The following EXT1 variants were observed in gnomAD, a reference collection of about 807,000 sequenced individuals.
EXT1 encodes the protein exostosin-1.
EXT1 carries 20 observed loss-of-function variants against 82.5 expected under a neutral mutation model. The ratio of observed to expected loss-of-function variants is 0.24; its 90% CI spans 0.17 to 0.35. The LOEUF (loss-of-function observed/expected upper bound fraction) is 0.35. Ranked by LOEUF, EXT1 falls within the 10% of genes least tolerant of loss-of-function variation. The probability of loss-of-function intolerance (pLI) is 1.00; values close to 1 mark genes in which losing one functional copy is unlikely to be tolerated. For missense variants in EXT1, 757 were observed against 936.5 expected, an observed-to-expected ratio of 0.81 and a Z score of 2.50; for synonymous variants, 348 against 350.8, an observed-to-expected ratio of 0.99 and a Z score of 0.09.
At chr8:118,015,195 T>C (rs1815978683) in intron 1 of EXT1, among the ~76,000 whole-genome samples, 1 of 152,244 alleles carries the variant, frequency 6.6e-6, no homozygotes, top group African/African-American at 2.4e-5. Flanking sequence ...ATCAGTAAGC[T>C]GCTTACAGCC....
At chr8:118,066,686 G>A (rs1425537189) in intron 1 of EXT1, among the ~76,000 whole-genome samples, 1 of 152,102 alleles carries the variant, frequency 6.6e-6, no homozygotes, top group Non-Finnish European at 1.5e-5. Flanking sequence ...TAAGAATACA[G>A]CATATAATAT....
At chr8:117,848,640 C>T (rs533197952) in intron 1 of EXT1, among the ~76,000 whole-genome samples, 63 of 152,224 alleles carry the variant, frequency 4.1e-4, no homozygotes, top group East Asian at 7.7e-4. Flanking sequence ...AGCACTGGGA[C>T]GCCATGAAGC....
chr8:118,013,320 TGCCTCA>T (rs939687730), intron 1 of EXT1, among the ~76,000 whole-genome samples: 40 of 152,282 alleles, frequency 2.6e-4, no homozygotes, highest in African/African-American at 9.4e-4. Flanking sequence ...GCAATTCTCC[TGCCTCA>T]GCCTCCCAAG....
At chr8:117,861,552 T>TG (rs1812687321) in intron 1 of EXT1, among the ~76,000 whole-genome samples, 1 of 104,256 alleles carries the variant, frequency 9.6e-6, no homozygotes, top group African/African-American at 2.8e-5. Flanking sequence ...TGGAGGGCAG[T>TG]GGCATGATCT....
At chr8:117,911,433 C>T (rs1046598104) in intron 1 of EXT1, among the ~76,000 whole-genome samples, 1 of 152,078 alleles carries the variant, frequency 6.6e-6, no homozygotes, top group Admixed American at 6.6e-5. Context: ...GTTCCGATTC[C>T]CTATCCAATG....
intron 1 of EXT1, among the ~76,000 whole-genome samples, chr8:117,948,972 AAT>A (rs1437770493): frequency 1.3e-5 from 2 of 152,212 alleles, no homozygotes; most frequent in Non-Finnish European, 2.9e-5. Context: ...GTTCTCAATT[AAT>A]AGAGACAAAT....
intron 4 of EXT1, among the ~76,000 whole-genome samples, chr8:117,828,271 T>C (rs1812040496): frequency 6.6e-6 from 1 of 152,196 alleles, no homozygotes; most frequent in African/African-American, 2.4e-5. Context: ...AATGAATGTA[T>C]ACTTCTTTAA....
chr8:117,923,861 C>G (rs17453197), intron 1 of EXT1, among the ~76,000 whole-genome samples: 1 of 152,186 alleles, frequency 6.6e-6, no homozygotes, highest in African/African-American at 2.4e-5. Flanking sequence ...AATTCCAAAG[C>G]TGCATCTTGG....
At chr8:118,039,665 G>A (rs1367356530) in intron 1 of EXT1, among the ~76,000 whole-genome samples, 1 of 151,584 alleles carries the variant, frequency 6.6e-6, no homozygotes, top group Non-Finnish European at 1.5e-5. Context: ...AGAAAATGCT[G>A]ATGAATTATT....
chr8:117,971,148 A>G (rs991682242), intron 1 of EXT1, among the ~76,000 whole-genome samples: 1 of 152,166 alleles, frequency 6.6e-6, no homozygotes, highest in Non-Finnish European at 1.5e-5. Context: ...AGCTTCCCGA[A>G]AGAGCAAAAT....
At chr8:117,967,133 C>T (rs1275952015) in intron 1 of EXT1, among the ~76,000 whole-genome samples, 1 of 152,184 alleles carries the variant, frequency 6.6e-6, no homozygotes, top group Non-Finnish European at 1.5e-5. Context: ...CCATAAAGGT[C>T]TTTACAAATA....
At chr8:117,810,683 T>C (rs151269527) in intron 8 of EXT1, among the ~76,000 whole-genome samples, 5 of 152,326 alleles carry the variant, frequency 3.3e-5, no homozygotes, top group African/African-American at 1.2e-4. Flanking sequence ...TGTAGTTGTC[T>C]TGACCATTTG....
chr8:117,963,786 G>A (rs545424461), intron 1 of EXT1, among the ~76,000 whole-genome samples: 7 of 152,148 alleles, frequency 4.6e-5, no homozygotes, highest in African/African-American at 7.2e-5. Context: ...CACTGCACCC[G>A]GCCCCTATTG....
intron 1 of EXT1, among the ~76,000 whole-genome samples, chr8:117,856,375 C>A (rs1812558274): frequency 6.6e-6 from 1 of 151,068 alleles, no homozygotes; most frequent in Non-Finnish European, 1.5e-5. Flanking sequence ...CTGCCTCAGC[C>A]TCCCGAGTAG....
At chr8:117,915,719 G>A (rs1157893827) in intron 1 of EXT1, among the ~76,000 whole-genome samples, 5 of 152,126 alleles carry the variant, frequency 3.3e-5, no homozygotes, top group Admixed American at 3.3e-4. Context: ...AGCCGGGCAT[G>A]GTGGCGCATG....
intron 8 of EXT1, among the ~76,000 whole-genome samples, chr8:117,811,217 G>T (rs1823313513): frequency 6.6e-6 from 1 of 152,190 alleles, no homozygotes; most frequent in South Asian, 2.1e-4. Flanking sequence ...GAAGTACCTG[G>T]CATGGAGACC....
chr8:117,807,472 C>T (rs1823257005), intron 8 of EXT1, 95 bp from the exon 9 acceptor site: 5 of 1,410,784 alleles, frequency 3.5e-6, no homozygotes, highest in East Asian at 2.4e-5. Context: ...ATGCAAAATC[C>T]GGGGACTGTG....
intron 1 of EXT1, among the ~76,000 whole-genome samples, chr8:117,940,079 C>T (rs1814243117): frequency 1.3e-5 from 2 of 152,206 alleles, no homozygotes; most frequent in Admixed American, 1.3e-4. Flanking sequence ...CACCATTACA[C>T]CAATAAGTCA....
chr8:117,837,289 TTTAC>T, intron 1 of EXT1, 88 bp from the exon 2 acceptor site: 1 of 1,111,546 alleles, frequency 9.0e-7, no homozygotes, highest in Non-Finnish European at 1.4e-6. Flanking sequence ...TGTGCATGAA[TTTAC>T]GCAAAGCAAC....
Sources: allele counts gnomAD v4.1 joint callset (sites outside exome capture counted in the v4.1 genomes callset), GRCh38; gene constraint gnomAD v4.1.1; transcripts MANE v1.5; gene names NCBI Gene and HGNC (gene_info 2026-07-23, HGNC 2026-07-21).